SRRM2: variants seen among roughly 807,000 people sequenced by gnomAD.
SRRM2 encodes the protein serine/arginine repetitive matrix protein 2.
Under a neutral mutation model 213.8 loss-of-function variants are expected in SRRM2, and 30 were observed. That is an observed-to-expected ratio of 0.14 (90% confidence interval 0.10 to 0.19). SRRM2 has a LOEUF of 0.19. Among genes scored for constraint, SRRM2 ranks in the 10% least tolerant of loss-of-function variants. The pLI, the probability that SRRM2 is intolerant of heterozygous loss-of-function variation, is 1.00. For missense variants in SRRM2, 4,904 were observed against 3,647.0 expected (o/e 1.34, Z -8.88); for synonymous variants, 2,025 against 1,377.7 (o/e 1.47, Z -10.40).
Position 2,766,864 on chromosome 16 carries a change from C to T in SRRM2, c.6336C>T (p.Ser2112=). ...CACCTCCAGTAGCACTCAACAGTTCCAGAATGAGCTGCTTCAGTCGTCCTA... is the reference window on the plus strand; with the variant it reads ...CACCTCCAGTAGCACTCAACAGTTCTAGAATGAGCTGCTTCAGTCGTCCTA... ...SRTPPVALNS[S]RMSCFSRPSM... is the part of the protein sequence containing the mutation. The change falls in exon 11 of 15, where the codon TCC becomes TCT. Residue 2112 remains serine, a synonymous_variant. Transcript: ENST00000301740. The surrounding 1 kb of genome is among the most constrained non-coding windows in gnomAD (Gnocchi z 7.0). 1 of 1,614,136 alleles carries T rather than the reference C, an allele frequency of 6.2e-7. No individual in the cohort carries two copies. The highest frequency in any genetic ancestry group is 8.5e-7 in the Non-Finnish European group (1 of 1,180,028).
chr16:2,766,635 T>C lies in SRRM2; in HGVS notation c.6107T>C (p.Leu2036Pro), dbSNP rs2068554656. 1 of 1,613,076 alleles carries C rather than the reference T, an allele frequency of 6.2e-7. No homozygotes were observed. Among genetic ancestry groups the C allele is most frequent in the Non-Finnish European group, 8.5e-7 (1 of 1,179,672 alleles). The change falls in exon 11 of 15, where the codon CTG becomes CCG. Residue 2036 changes from leucine (L) to proline (P), a missense_variant. Leu to Pro is a moderately conservative substitution (Grantham distance 98). Transcript: ENST00000301740. The surrounding 1 kb of genome is among the most constrained non-coding windows in gnomAD (Gnocchi z 7.0). ...IRRRSRSRTP[L>P]LPRKRSRSRS... ...CGCCGCTCTAGATCTCGAACGCCAC[T>C]GTTACCACGCAAACGTTCTCGAAGT...
At position 2,765,375 on chromosome 16, in the gene SRRM2, G is replaced by A. The variant is rs2068502976; in HGVS notation, c.4847G>A (p.Ser1616Asn). 4 of 1,614,072 alleles carry A rather than the reference G, an allele frequency of 2.5e-6. No homozygotes were observed. Among genetic ancestry groups the A allele is most frequent in the Middle Eastern group, 1.6e-4 (1 of 6,084 alleles). Residue 1616 changes from serine (S) to asparagine (N), a missense_variant, in exon 11 of 15, where the codon AGT becomes AAT. Ser to Asn is a conservative substitution (Grantham distance 46). Transcript: ENST00000301740. ...DKPRAAPRAQ[S>N]GSDSSPEPKA... Reference sequence around the variant, plus strand: ...CCAAGAGCAGCACCCAGGGCACAGAGTGGTTCTGATTCCTCTCCTGAACCT... The same window carrying A: ...CCAAGAGCAGCACCCAGGGCACAGAATGGTTCTGATTCCTCTCCTGAACCT...
chr16:2,762,440 A>G lies in SRRM2; in HGVS notation c.1912A>G (p.Arg638Gly), dbSNP rs2068387255. 1 of 1,614,020 alleles carries G rather than the reference A, an allele frequency of 6.2e-7. No homozygotes were observed. Among genetic ancestry groups the G allele is most frequent in the East Asian group, 2.2e-5 (1 of 44,852 alleles). Reference protein sequence around the residue: ...RSPVRRRSRSRSPARRSGRSR... With the variant: ...RSPVRRRSRSGSPARRSGRSR... ...ACCAGTACGACGCAGGTCTCGTAGT[A>G]GATCACCAGCCAGGAGAAGTGGCAG... is the stretch of plus-strand genomic sequence containing the variant. The change falls in exon 11 of 15, where the codon AGA becomes GGA. Residue 638 changes from arginine (R) to glycine (G), a missense_variant. Physicochemically the swap from Arg to Gly is moderately radical, Grantham distance 125 (BLOSUM62 -2). Transcript: ENST00000301740.
In SRRM2 at chr16:2,752,780, C is replaced by G. The variant is rs1473695367; in HGVS notation, c.-98C>G. On this transcript the variant is annotated 5_prime_UTR_variant, in exon 1 of 15. Coordinates refer to ENST00000301740, the MANE Select transcript of SRRM2 (RefSeq NM_016333.4). ...AGGCGGCGGCCCCAGGCCCGAGGGA[C>G]TCGGGAGCTCGAGCAGCGGCGGCGG... The G allele has an allele frequency of 2.9e-6, 1 of 348,294 alleles. No individual in the cohort carries two copies. The highest frequency in any genetic ancestry group is 1.5e-4 in the East Asian group (1 of 6,456). 21.6% of individuals were successfully genotyped at this position (348,294 alleles called of 1,614,324 possible). A position where few individuals can be genotyped will look rare whatever the true frequency, so the allele number is the denominator to read the frequency against.
chr16:2,757,392 T>G, intron 2 of SRRM2, 80 bp from the exon 3 acceptor site: 1 of 1,355,522 alleles, frequency 7.4e-7, no homozygotes, highest in Non-Finnish European at 1.0e-6. Flanking sequence ...AGGGGCCCCT[T>G]TTGGGAATGA....
rs367990506 is a variant in SRRM2, at chr16:2,763,528, G to A, written c.3000G>A (p.Lys1000=). Residue 1000 remains lysine (K), a synonymous_variant, in exon 11 of 15, where the codon AAG becomes AAA. Coordinates refer to ENST00000301740, the MANE Select transcript of SRRM2 (RefSeq NM_016333.4). ...SGSISPYPKV[K]AQTPPGPSLS... is the part of the protein sequence containing the mutation. ...CTATTTCACCATACCCCAAAGTAAA[G>A]GCCCAAACTCCACCGGGGCCAAGTC... The A allele has an allele frequency of 9.9e-6, 16 of 1,613,972 alleles. No individual in the cohort carries two copies. The African/African-American group carries it at 2.1e-4, about 22-fold the overall frequency.
At position 2,767,686 on chromosome 16, in the gene SRRM2, C is replaced by T. The variant is rs764790528; in HGVS notation, c.7158C>T (p.Pro2386=). 3 of 1,614,052 alleles carry T rather than the reference C, an allele frequency of 1.9e-6. No homozygotes were observed. Among genetic ancestry groups the T allele is most frequent in the South Asian group, 1.1e-5 (1 of 91,072 alleles). Residue 2386 remains proline (P), a synonymous_variant, in exon 11 of 15, where the codon CCC becomes CCT. Coordinates refer to ENST00000301740, the MANE Select transcript of SRRM2 (RefSeq NM_016333.4). ...SGANLTSPRV[P]LSAYERVSGR... ...CAAACCTCACCAGCCCCAGGGTGCC[C>T]CTTTCTGCCTACGAGCGTGTCAGTG...
chr16:2,758,023 G>A lies in SRRM2; in HGVS notation c.515+78G>A, dbSNP rs1025328382. 7 of 1,506,470 alleles carry A rather than the reference G, an allele frequency of 4.6e-6. No individual in the cohort carries two copies. In the African/African-American group the frequency reaches 5.6e-5, roughly 12 times the overall value. The allele number at this position is 1,506,470 out of a possible 1,614,324, so 93.3% of individuals were successfully genotyped here. On this transcript the variant is annotated intron_variant, in intron 4 of 14. Transcript: ENST00000301740. ...ATGCTCTATTTTTGTCTTTTTGCGG[G>A]CTGGTTTCTTCCCAAACTCTTCAGA...
intron 11 of SRRM2, chr16:2,768,755 G>A: frequency 2.6e-6 from 2 of 770,032 alleles, no homozygotes; most frequent in South Asian, 2.9e-5. Flanking sequence ...CCTCCATCAG[G>A]GACATTCTTG....
At chr16:2,759,518 T>C (rs776921584) in intron 8 of SRRM2, 51 bp from the exon 9 acceptor site, 1 of 1,608,028 alleles carries the variant, frequency 6.2e-7, no homozygotes, top group Non-Finnish European at 8.5e-7. Context: ...GTGAGGAGAA[T>C]CCAGGGCAGG....
At position 2,766,996 on chromosome 16, in the gene SRRM2, G is replaced by C. The variant is rs368809730; in HGVS notation, c.6468G>C (p.Met2156Ile). The change falls in exon 11 of 15, where the codon ATG becomes ATC. Residue 2156 changes from methionine to isoleucine, a missense_variant. Met to Ile is a conservative substitution (Grantham distance 10). Coordinates refer to ENST00000301740, the MANE Select transcript of SRRM2 (RefSeq NM_016333.4). The surrounding 1 kb of genome is among the most constrained non-coding windows in gnomAD (Gnocchi z 7.0). Reference sequence around the variant, plus strand: ...TCCTGCAGCAAGCCGGCGGCTCCATGATGGATGGTCCAGGTCCCCGAATAC... The same window carrying C: ...TCCTGCAGCAAGCCGGCGGCTCCATCATGGATGGTCCAGGTCCCCGAATAC... Reference protein sequence around the residue: ...MSVLQQAGGSMMDGPGPRIPD... With the variant: ...MSVLQQAGGSIMDGPGPRIPD... 1 of 1,614,018 alleles carries C rather than the reference G, an allele frequency of 6.2e-7. No homozygotes were observed. The highest frequency in any genetic ancestry group is 8.5e-7 in the Non-Finnish European group (1 of 1,180,034).
rs186318727 is a variant in SRRM2, at chr16:2,760,273, C to G, written c.834-28C>G. 2,448 of 1,604,274 alleles carry G rather than the reference C, an allele frequency of 1.5e-3. 10 individuals are homozygous for G. The highest frequency in any genetic ancestry group is 4.1e-3 in the Middle Eastern group (25 of 6,038). Reference sequence around the variant, plus strand: ...CTCCCTTTGAGCTGATTTCCTTCCTCTCCCACGTCCTCAATTAACTCCTGC... The same window carrying G: ...CTCCCTTTGAGCTGATTTCCTTCCTGTCCCACGTCCTCAATTAACTCCTGC... On this transcript the variant is annotated intron_variant, in intron 9 of 14. Coordinates refer to ENST00000301740, the MANE Select transcript of SRRM2 (RefSeq NM_016333.4).
chr16:2,752,946 C>T (rs1226284902), intron 1 of SRRM2, 100 bp downstream of exon 1: 3 of 154,604 alleles, frequency 1.9e-5, no homozygotes, highest in African/African-American at 7.3e-5. Context: ...CCGAGCTCCT[C>T]CGCGCGCACG....
chr16:2,769,713 CCTCCA>C (rs994799468), intron 12 of SRRM2: 21 of 479,176 alleles, frequency 4.4e-5, no homozygotes, highest in African/African-American at 3.9e-4. Flanking sequence ...TGGCTACTTC[CCTCCA>C]CTCCACAAAT....
Position 2,770,991 on chromosome 16 carries a change from G to A in SRRM2, c.*124G>A. The A allele has an allele frequency of 8.4e-7, 1 of 1,194,070 alleles. No homozygotes were observed. The highest frequency in any genetic ancestry group is 1.2e-6 in the Non-Finnish European group (1 of 844,360). The allele number at this position is 1,194,070 out of a possible 1,614,324, so 74.0% of individuals were successfully genotyped here. A position where few individuals can be genotyped will look rare whatever the true frequency, so the allele number is the denominator to read the frequency against. The stretch of plus-strand genomic sequence containing the variant: ...CTTTGAACCTTGGCAGCCCTTGGAT[G>A]GAGGGCTCCCTTTCCCTCCCCTTTT... On this transcript the variant is annotated 3_prime_UTR_variant, in exon 15 of 15. Coordinates refer to ENST00000301740, the MANE Select transcript of SRRM2 (RefSeq NM_016333.4).
chr16:2,755,125 T>C (rs2068095602), intron 1 of SRRM2, among the ~76,000 whole-genome samples: 1 of 152,204 alleles, frequency 6.6e-6, no homozygotes, highest in Admixed American at 6.5e-5. Context: ...GAAACTATCT[T>C]GGAGAGGATG....
chr16:2,765,426 C>A lies in SRRM2; in HGVS notation c.4898C>A (p.Pro1633His). The change falls in exon 11 of 15, where the codon CCC becomes CAC. Residue 1633 changes from proline to histidine, a missense_variant. By Grantham distance (77) the Pro-to-His change is moderately conservative (BLOSUM62 -2). Transcript: ENST00000301740. ...AAAGCTCCAGCCCCTCGGGCCCTTC[C>A]CAGACGAAGCAGATCAGGTTCATCA... ...EPKAPAPRAL[P>H]RRSRSGSSSK... 1 of 1,614,142 alleles carries A rather than the reference C, an allele frequency of 6.2e-7. No homozygotes were observed. The highest frequency in any genetic ancestry group is 2.2e-5 in the East Asian group (1 of 44,882).
Position 2,764,481 on chromosome 16 carries a change from C to A in SRRM2, c.3953C>A (p.Ser1318Tyr), listed in dbSNP as rs150635813. ...PHFSPEHKEL[S>Y]NSPLRENSFG... ...TTTTCTCCAGAACATAAAGAACTGT[C>A]TAACTCCCCACTCAGGGAGAACAGC... Residue 1318 changes from serine (S) to tyrosine (Y), a missense_variant, in exon 11 of 15, where the codon TCT (serine) becomes TAT (tyrosine). Transcript: ENST00000301740. 21 of 1,613,998 alleles carry A rather than the reference C, an allele frequency of 1.3e-5. No homozygotes were observed. In the African/African-American group the frequency reaches 2.8e-4, roughly 22 times the overall value.
intron 4 of SRRM2, 41 bp downstream of exon 4, chr16:2,757,986 A>G (rs781291827): frequency 1.3e-6 from 2 of 1,582,472 alleles, no homozygotes; most frequent in South Asian, 1.1e-5. Context: ...TCTTTTCTTG[A>G]TTGTAAGCTC....
Sources: gnomAD v4.1 joint callset for allele counts (sites outside exome capture counted in the v4.1 genomes callset) on GRCh38, gnomAD v4.1.1 for gene constraint, Gnocchi (gnomAD v3.1) non-coding constraint, MANE v1.5 for transcripts, NCBI Gene and HGNC (gene_info 2026-07-23, HGNC 2026-07-21) for gene names.